Variants in ATXN8OS observed in about 807,000 individuals in gnomAD.
The protein encoded by ATXN8OS is ATXN8 opposite strand (non-protein coding).
intron 4 of ATXN8OS, among the ~76,000 whole-genome samples, chr13:70,155,299 T>C (rs1404065123): frequency 2.0e-5 from 3 of 152,192 alleles, no homozygotes; most frequent in Non-Finnish European, 2.9e-5. Context: ...AGAAATCTGC[T>C]CCTCTTTTAA....
intron 4 of ATXN8OS, among the ~76,000 whole-genome samples, chr13:70,152,772 CA>C (rs1438193970): frequency 1.3e-5 from 2 of 152,130 alleles, no homozygotes; most frequent in Non-Finnish European, 2.9e-5. Flanking sequence ...ACTGAGTAGT[CA>C]AAAAGATTAA....
At chr13:70,149,204 C>G (rs906236528) in intron 4 of ATXN8OS, among the ~76,000 whole-genome samples, 2 of 151,996 alleles carry the variant, frequency 1.3e-5, no homozygotes, top group East Asian at 3.9e-4. Context: ...AGAACGAGAA[C>G]GACTCATGTT....
At chr13:70,166,697 C>T (rs1450345478) in intron 4 of ATXN8OS, among the ~76,000 whole-genome samples, 4 of 152,070 alleles carry the variant, frequency 2.6e-5, no homozygotes, top group Non-Finnish European at 2.9e-5. Flanking sequence ...AGAGCTTCTG[C>T]ACAACAAAAG....
intron 2 of ATXN8OS, among the ~76,000 whole-genome samples, chr13:70,115,563 G>A (rs1274015973): frequency 6.6e-6 from 1 of 152,078 alleles, no homozygotes; most frequent in Non-Finnish European, 1.5e-5. Context: ...AACACATTTT[G>A]GAAAATGAAG....
intron 4 of ATXN8OS, among the ~76,000 whole-genome samples, chr13:70,166,278 A>G (rs1261236089): frequency 1.3e-5 from 2 of 152,132 alleles, no homozygotes; most frequent in Non-Finnish European, 2.9e-5. Context: ...CTACAAGGCT[A>G]CAGTAACCAA....
chr13:70,161,133 A>C (rs1244544521), intron 4 of ATXN8OS, among the ~76,000 whole-genome samples: 1 of 151,946 alleles, frequency 6.6e-6, no homozygotes, highest in East Asian at 1.9e-4. Context: ...TGCAAGATTT[A>C]AATTTTTTTA....
intron 1 of ATXN8OS, among the ~76,000 whole-genome samples, chr13:70,110,905 C>T (rs1399692316): frequency 2.0e-5 from 3 of 152,032 alleles, no homozygotes; most frequent in Non-Finnish European, 4.4e-5. Context: ...AGCTTATAGG[C>T]AAGAAGACAT....
At chr13:70,166,026 A>G (rs1252501554) in intron 4 of ATXN8OS, among the ~76,000 whole-genome samples, 1 of 152,060 alleles carries the variant, frequency 6.6e-6, no homozygotes, top group Non-Finnish European at 1.5e-5. Context: ...TTTCAACTTT[A>G]TGTCTTTGCA....
chr13:70,136,354 C>A (rs756538967), intron 3 of ATXN8OS, among the ~76,000 whole-genome samples: 2 of 152,092 alleles, frequency 1.3e-5, no homozygotes, highest in Non-Finnish European at 2.9e-5. Context: ...GAACAGTCTT[C>A]CAAGATCCAA....
chr13:70,108,963 G>T (rs1469281769), intron 1 of ATXN8OS, among the ~76,000 whole-genome samples: 1 of 152,218 alleles, frequency 6.6e-6, no homozygotes, highest in Non-Finnish European at 1.5e-5. Context: ...GAAATTTGAA[G>T]ATGGGCATCT....
At chr13:70,145,533 G>C (rs1360975119) in intron 3 of ATXN8OS, among the ~76,000 whole-genome samples, 1 of 151,990 alleles carries the variant, frequency 6.6e-6, no homozygotes, top group African/African-American at 2.4e-5. Context: ...TCATTGAGCA[G>C]TGGTTTGTAG....
intron 4 of ATXN8OS, among the ~76,000 whole-genome samples, chr13:70,167,704 A>T (rs187077470): frequency 1.9e-3 from 278 of 147,634 alleles, no homozygotes; most frequent in African/African-American, 6.5e-3. Flanking sequence ...CGAAAATACT[A>T]TCACAACATA....
At chr13:70,128,472 G>C (rs1046495238) in intron 2 of ATXN8OS, among the ~76,000 whole-genome samples, 6 of 151,868 alleles carry the variant, frequency 4.0e-5, no homozygotes, top group African/African-American at 1.5e-4. Context: ...GAGGGCAAAT[G>C]GTCTTGAAGA....
intron 3 of ATXN8OS, among the ~76,000 whole-genome samples, chr13:70,131,863 A>G (rs1319911372): frequency 1.3e-5 from 2 of 152,170 alleles, no homozygotes; most frequent in Non-Finnish European, 2.9e-5. Flanking sequence ...AACTCCTAAC[A>G]AAGTATTAAA....
chr13:70,163,255 A>T (rs1889031602), intron 4 of ATXN8OS, among the ~76,000 whole-genome samples: 1 of 152,130 alleles, frequency 6.6e-6, no homozygotes, highest in African/African-American at 2.4e-5. Context: ...AGATGAGAAA[A>T]TTGAGACAGA....
chr13:70,161,984 T>G (rs1028068041), intron 4 of ATXN8OS, among the ~76,000 whole-genome samples: 3 of 151,858 alleles, frequency 2.0e-5, no homozygotes, highest in African/African-American at 7.3e-5. Context: ...AAACTAAAAT[T>G]TCTCTAAAAA....
At chr13:70,130,678 A>T in intron 3 of ATXN8OS, 1 of 398,488 alleles carries the variant, frequency 2.5e-6, no homozygotes, top group Non-Finnish European at 4.4e-6. Flanking sequence ...TCCATTTCAG[A>T]TTCAAACTTC....
chr13:70,134,125 TACTA>T (rs758819976), intron 3 of ATXN8OS, among the ~76,000 whole-genome samples: 1 of 152,330 alleles, frequency 6.6e-6, no homozygotes, highest in Non-Finnish European at 1.5e-5. Context: ...GGATATCACT[TACTA>T]ACAAGAGCTT....
At chr13:70,154,770 A>G (rs1272915819) in intron 4 of ATXN8OS, among the ~76,000 whole-genome samples, 1 of 152,216 alleles carries the variant, frequency 6.6e-6, no homozygotes, top group African/African-American at 2.4e-5. Context: ...CTCTGTAACT[A>G]GTGACTTCAA....
Sources: allele counts gnomAD v4.1 joint callset (sites outside exome capture counted in the v4.1 genomes callset), GRCh38; gene constraint gnomAD v4.1.1; transcripts MANE v1.5; gene names NCBI Gene and HGNC (gene_info 2026-07-23, HGNC 2026-07-21).